BDNF: variants seen among roughly 807,000 people sequenced by gnomAD.
The protein encoded by BDNF is neurotrophic factor BDNF precursor form.
A neutral mutation model predicts 19.5 loss-of-function variants in BDNF; 1 was observed. That is an observed-to-expected ratio of 0.05 (90% CI 0.02 to 0.24). The LOEUF is 0.24. Among genes scored for constraint, BDNF ranks in the 10% least tolerant of loss-of-function variants. The pLI is 1.00. For missense variants in BDNF, 195 were observed against 317.6 expected, an observed-to-expected ratio of 0.61 and a Z score of 2.93; for synonymous variants, 100 against 121.6, an observed-to-expected ratio of 0.82 and a Z score of 1.17.
intron 1 of BDNF, among the ~76,000 whole-genome samples, chr11:27,690,792 AT>A (rs1385628557): frequency 6.6e-6 from 1 of 152,200 alleles, no homozygotes; most frequent in African/African-American, 2.4e-5. Context: ...AAATGGAAGC[AT>A]TCTCACAATT....
intron 1 of BDNF, among the ~76,000 whole-genome samples, chr11:27,663,573 C>T (rs1183354307): frequency 6.6e-6 from 1 of 152,150 alleles, no homozygotes; most frequent in Admixed American, 6.5e-5. Context: ...TTGATTTTTA[C>T]AAGGAGACAG....
exon 1 of BDNF, chr11:27,721,531 G>T: frequency 9.1e-7 from 1 of 1,102,856 alleles, no homozygotes; most frequent in Non-Finnish European, 1.4e-6. Flanking sequence ...TTTGCTCAGT[G>T]GATCGCCCAC....
chr11:27,660,259 CTTTA>C lies in BDNF; in HGVS notation c.-21-1678_-21-1675del, dbSNP rs1000490706. On this transcript the variant is annotated intron_variant, in intron 1 of 1. Transcript: ENST00000356660. ...AATAACATTTTCAACCACTAAGAGA[CTTTA>C]TTACCATCCCTAAACACACAAAAAA... 30 of 1,253,668 alleles carry C rather than the reference CTTTA, an allele frequency of 2.4e-5. No individual in the cohort carries two copies. The African/African-American group carries it at 4.7e-4, about 20-fold the overall frequency. The allele number at this position is 1,253,668 out of a possible 1,614,324, so 77.7% of individuals were successfully genotyped here.
chr11:27,718,360 C>CCCCA (rs1554950420), intron 1 of BDNF, among the ~76,000 whole-genome samples: 1 of 144,110 alleles, frequency 6.9e-6, no homozygotes, highest in Non-Finnish European at 1.5e-5. Flanking sequence ...CACCACCCCC[C>CCCCA]CCCGCCCCTC....
At chr11:27,680,165 T>TTTC (rs1483261052) in intron 1 of BDNF, among the ~76,000 whole-genome samples, 1 of 152,202 alleles carries the variant, frequency 6.6e-6, no homozygotes, top group African/African-American at 2.4e-5. Flanking sequence ...TGAGACTGAA[T>TTTC]TTCTGCCCTT....
intron 1 of BDNF, among the ~76,000 whole-genome samples, chr11:27,660,621 A>G (rs1026868787): frequency 1.3e-5 from 2 of 152,218 alleles, no homozygotes; most frequent in African/African-American, 2.4e-5. Context: ...TTAGCCATCT[A>G]CATCACACTG....
chr11:27,720,458 T>C, intron 1 of BDNF: 1 of 985,828 alleles, frequency 1.0e-6, no homozygotes, highest in Non-Finnish European at 1.2e-6. Context: ...TATTCCAGCC[T>C]ACACCGCTAG....
intron 1 of BDNF, among the ~76,000 whole-genome samples, chr11:27,712,022 A>G (rs1051528993): frequency 6.6e-6 from 1 of 152,166 alleles, no homozygotes; most frequent in African/African-American, 2.4e-5. Flanking sequence ...GTCAATAGAA[A>G]CATGCTTACC....
chr11:27,685,608 C>T (rs186286236), intron 1 of BDNF, among the ~76,000 whole-genome samples: 1 of 152,280 alleles, frequency 6.6e-6, no homozygotes. Context: ...TCTTTATTCT[C>T]ATTGGTCTCA....
chr11:27,663,045 T>C (rs1853721216), intron 1 of BDNF, among the ~76,000 whole-genome samples: 2 of 152,220 alleles, frequency 1.3e-5, no homozygotes, highest in Admixed American at 1.3e-4. Flanking sequence ...GTAATAACAA[T>C]AATAATAGCA....
intron 1 of BDNF, chr11:27,719,410 C>G: frequency 3.1e-6 from 3 of 966,228 alleles, no homozygotes; most frequent in Non-Finnish European, 3.7e-6. Flanking sequence ...GCCGCCCAGG[C>G]CCCCTCGCCC....
rs200131453 is a variant in BDNF at position 27,721,856 on chromosome 11, C to G, written c.-442G>C. 3 of 172,772 alleles carry G rather than the reference C, an allele frequency of 1.7e-5. No homozygotes were observed. The Admixed American group carries it at 1.8e-4, about 10-fold the overall frequency. 10.7% of individuals were successfully genotyped at this position (172,772 alleles called of 1,614,324 possible). A position where few individuals can be genotyped will look rare whatever the true frequency, so the allele number is the denominator to read the frequency against. On this transcript the variant is annotated 5_prime_UTR_variant, in exon 1 of 2. Transcript: ENST00000314915. ...AGAGAAAGTGAGGAGTTTCAGGGTA[C>G]CCCTGTAAAAAAAAAAACTCAGCCT...
intron 1 of BDNF, chr11:27,674,288 G>A (rs940087052): frequency 1.0e-5 from 16 of 1,556,848 alleles, no homozygotes; most frequent in Admixed American, 1.9e-5. Context: ...CACACATCCA[G>A]TTGTCCTTCG....
chr11:27,710,715 C>T (rs1029468018), intron 1 of BDNF, among the ~76,000 whole-genome samples: 1 of 152,296 alleles, frequency 6.6e-6, no homozygotes, highest in East Asian at 1.9e-4. Flanking sequence ...AGAGGGTGTT[C>T]CTCATCACAG....
At chr11:27,702,786 A>C (rs1859961068), upstream of BDNF, among the ~76,000 whole-genome samples, 1 of 152,192 alleles carries the variant, frequency 6.6e-6, no homozygotes. Context: ...TAAAAGAAGA[A>C]TCCGATCCTC....
upstream of BDNF, chr11:27,700,686 A>C: frequency 8.7e-7 from 1 of 1,153,488 alleles, no homozygotes; most frequent in Non-Finnish European, 1.1e-6. Flanking sequence ...CTCCTCCCCT[A>C]GGGCCCCGCG....
chr11:27,675,591 C>T (rs1855995249), intron 1 of BDNF: 2 of 152,148 alleles, frequency 1.3e-5, no homozygotes, highest in African/African-American at 2.4e-5. Flanking sequence ...CAACAGAATC[C>T]CTTCAAAGCC....
chr11:27,677,887 T>C (rs957285374), intron 1 of BDNF: 1 of 152,222 alleles, frequency 6.6e-6, no homozygotes, highest in African/African-American at 2.4e-5. Flanking sequence ...TTTACACCAG[T>C]TCCTTTGCTT....
chr11:27,699,587 C>T (rs935079493), intron 1 of BDNF: 4 of 1,485,794 alleles, frequency 2.7e-6, no homozygotes, highest in African/African-American at 2.8e-5. Context: ...GGAATTCCGC[C>T]TCCCAAGTTT....
Sources: gnomAD v4.1 joint callset for allele counts (sites outside exome capture counted in the v4.1 genomes callset) on GRCh38, gnomAD v4.1.1 for gene constraint, MANE v1.5 for transcripts, NCBI Gene and HGNC (gene_info 2026-07-23, HGNC 2026-07-21) for gene names.